The following TTLL5 variants were observed in gnomAD, a reference collection of about 807,000 sequenced individuals.
TTLL5 encodes the protein tubulin polyglutamylase TTLL5.
A neutral mutation model predicts 168.4 loss-of-function variants in TTLL5; 132 were observed. The ratio of observed to expected loss-of-function variants is 0.78; its 90% confidence interval spans 0.68 to 0.91. The LOEUF (loss-of-function observed/expected upper bound fraction) is 0.91, where lower values mean the gene tolerates loss of function less well. Among genes scored for constraint, TTLL5 ranks in the 40% least tolerant of loss-of-function variants. The pLI is 0.00. For missense variants in TTLL5, 1,545 were observed against 1,581.5 expected (o/e 0.98, Z 0.39); for synonymous variants, 546 against 558.6 (o/e 0.98, Z 0.32).
At chr14:75,663,331 T>C in intron 2 of TTLL5, 108 bp downstream of exon 2, 9 of 1,067,154 alleles carry the variant, frequency 8.4e-6, no homozygotes, top group Non-Finnish European at 1.2e-5. Context: ...TGTACTCTTT[T>C]ATCTAGTGTC....
At chr14:75,667,485 G>A (rs2140085342) in intron 2 of TTLL5, among the ~76,000 whole-genome samples, 1 of 152,276 alleles carries the variant, frequency 6.6e-6, no homozygotes, top group African/African-American at 2.4e-5. Flanking sequence ...AGATGAAGAA[G>A]CAAGCAAGCC....
At chr14:75,750,747 C>T (rs1889900972) in intron 17 of TTLL5, among the ~76,000 whole-genome samples, 2 of 151,588 alleles carry the variant, frequency 1.3e-5, no homozygotes. Context: ...ATGTTTTTTA[C>T]TATATATGTA....
intron 28 of TTLL5, among the ~76,000 whole-genome samples, chr14:75,860,233 C>G (rs533527425): frequency 2.0e-5 from 3 of 152,220 alleles, no homozygotes; most frequent in South Asian, 4.1e-4. Context: ...ATCCACAGAC[C>G]CCCACCTCAT....
Position 75,782,424 on chromosome 14 carries a change from G to C in TTLL5, c.2516-63G>C, listed in dbSNP as rs1040956595. The stretch of plus-strand genomic sequence containing the variant: ...GTTATATTTTTGGGAATAAAATTAT[G>C]TATAGAACAGCGGACTTGCAATTGA... On this transcript the variant is annotated intron_variant, in intron 24 of 31. Transcript: ENST00000298832. 3.1e-6 allele frequency: 4 copies of C among 1,307,036 alleles called. No individual in the cohort carries two copies. The African/African-American group carries it at 5.9e-5, about 19-fold the overall frequency. The allele number at this position is 1,307,036 out of a possible 1,614,324, so 81.0% of individuals were successfully genotyped here.
chr14:75,758,962 T>C (rs1264158386), intron 18 of TTLL5, among the ~76,000 whole-genome samples: 1 of 152,148 alleles, frequency 6.6e-6, no homozygotes, highest in East Asian at 1.9e-4. Flanking sequence ...ATGTTTGTTT[T>C]AAGAAACTGA....
At chr14:75,715,017 T>G (rs1887333089) in intron 9 of TTLL5, among the ~76,000 whole-genome samples, 1 of 152,214 alleles carries the variant, frequency 6.6e-6, no homozygotes, top group East Asian at 1.9e-4. Context: ...ACAGAGTTCC[T>G]TCTTGTTTTT....
chr14:75,868,070 T>C (rs1363888403), intron 29 of TTLL5, among the ~76,000 whole-genome samples: 1 of 152,192 alleles, frequency 6.6e-6, no homozygotes, highest in African/African-American at 2.4e-5. Flanking sequence ...CTGATTCTAA[T>C]TGCAGACATT....
intron 29 of TTLL5, among the ~76,000 whole-genome samples, chr14:75,876,401 C>G (rs1440434519): frequency 1.3e-5 from 2 of 152,216 alleles, no homozygotes; most frequent in Non-Finnish European, 2.9e-5. Context: ...CGAAATTTTT[C>G]TGTCCAGGTA....
chr14:75,846,935 T>A (rs1896580123), intron 28 of TTLL5, among the ~76,000 whole-genome samples: 1 of 151,968 alleles, frequency 6.6e-6, no homozygotes, highest in Non-Finnish European at 1.5e-5. Flanking sequence ...CCTTGGCAAG[T>A]GTAATGTCTG....
chr14:75,826,257 A>G (rs1260636879), intron 28 of TTLL5, among the ~76,000 whole-genome samples: 2 of 151,276 alleles, frequency 1.3e-5, no homozygotes, highest in African/African-American at 2.4e-5. Context: ...GCTTTGAAGT[A>G]TTAATGATAA....
At chr14:75,890,555 G>C (rs1469144102) in intron 30 of TTLL5, among the ~76,000 whole-genome samples, 3 of 151,972 alleles carry the variant, frequency 2.0e-5, no homozygotes, top group Admixed American at 2.0e-4. Context: ...AGTATAAATT[G>C]GTTCTTCTTG....
rs115906643 is a variant in TTLL5, at chr14:75,777,506, A to G, written c.2387+656A>G. On this transcript the variant is annotated intron_variant, in intron 23 of 31. Coordinates refer to ENST00000298832, the MANE Select transcript of TTLL5 (RefSeq NM_015072.5). Reference sequence around the variant, plus strand: ...TCATCTCTCTATCTTGATAAAAGTCAGCCAGGCCATTTTGTCCATTTATGT... The same window carrying G: ...TCATCTCTCTATCTTGATAAAAGTCGGCCAGGCCATTTTGTCCATTTATGT... 3.6e-3 allele frequency among the ~76,000 whole-genome samples: 550 copies of G among 152,338 alleles called. 2 individuals are homozygous for G. Among genetic ancestry groups the G allele is most frequent in the African/African-American group, 0.011 (446 of 41,584 alleles).
intron 31 of TTLL5, among the ~76,000 whole-genome samples, chr14:75,945,281 G>A (rs780571447): frequency 2.7e-5 from 4 of 149,080 alleles, no homozygotes; most frequent in Non-Finnish European, 3.0e-5. Flanking sequence ...TTTTTGAGAC[G>A]GAGTCTTGCT....
chr14:75,670,167 T>G (rs78913320), intron 3 of TTLL5, among the ~76,000 whole-genome samples: 2,341 of 152,340 alleles, frequency 0.015, 80 homozygotes, highest in African/African-American at 0.053. Flanking sequence ...CACATTTTGT[T>G]TATCCAGTCA....
chr14:75,821,493 A>G (rs1345061771), intron 28 of TTLL5, among the ~76,000 whole-genome samples: 1 of 152,222 alleles, frequency 6.6e-6, no homozygotes, highest in Non-Finnish European at 1.5e-5. Context: ...TTTCACTGCA[A>G]TTTTGGATAT....
intron 30 of TTLL5, among the ~76,000 whole-genome samples, chr14:75,895,729 A>G (rs1157899063): frequency 6.6e-6 from 1 of 152,188 alleles, no homozygotes; most frequent in Non-Finnish European, 1.5e-5. Context: ...AAGGATTAAA[A>G]ATAAGTGAGT....
chr14:75,801,079 AGAGCT>A (rs1893287191), intron 27 of TTLL5, among the ~76,000 whole-genome samples: 1 of 152,134 alleles, frequency 6.6e-6, no homozygotes, highest in Admixed American at 6.5e-5. Context: ...GCGGGGCCAC[AGAGCT>A]CCCAAGATAT....
intron 30 of TTLL5, among the ~76,000 whole-genome samples, chr14:75,898,831 A>T (rs2032792634): frequency 6.6e-6 from 1 of 151,972 alleles, no homozygotes; most frequent in Admixed American, 6.6e-5. Flanking sequence ...TTCCTAAGGG[A>T]TCTTAAGAAT....
chr14:75,791,500 G>A (rs1239847593), intron 26 of TTLL5, among the ~76,000 whole-genome samples: 2 of 150,894 alleles, frequency 1.3e-5, no homozygotes, highest in Admixed American at 1.3e-4. Context: ...AAATTATCTG[G>A]TATTTTGTTT....
Sources: allele counts gnomAD v4.1 joint callset (sites outside exome capture counted in the v4.1 genomes callset), GRCh38; gene constraint gnomAD v4.1.1; transcripts MANE v1.5; gene names NCBI Gene and HGNC (gene_info 2026-07-23, HGNC 2026-07-21).